The following SLC26A1 variants were observed in gnomAD, a reference collection of about 807,000 sequenced individuals.
SLC26A1 encodes the protein solute carrier family 26 member 1.
Under a neutral mutation model 14.5 loss-of-function variants are expected in SLC26A1, and 18 were observed. That is an observed-to-expected ratio of 1.24 (90% CI 0.86 to 1.84). The LOEUF is 1.84. Ranked by LOEUF, SLC26A1 falls within the 40% of genes most tolerant of loss-of-function variation. The probability of loss-of-function intolerance (pLI) is 0.00; values close to 1 mark genes in which losing one functional copy is unlikely to be tolerated. For synonymous variants in SLC26A1, 505 were observed against 492.0 expected (o/e 1.03, Z -0.35); for missense variants, 1,049 against 1,020.0 (o/e 1.03, Z -0.39).
Position 989,821 on chromosome 4 carries a change from G to T in SLC26A1, c.1118C>A (p.Ala373Asp). ...FARSHGYSVR[A>D]NQELLAVGCC... ...GCCCACAGCCAGCAGCTCCTGGTTG[G>T]CACGCACAGAGTAGCCGTGACTGCG... Residue 373 changes from alanine to aspartate, a missense_variant, in exon 3 of 3, where the codon GCC (alanine) becomes GAC (aspartate). Coordinates refer to ENST00000398516, the MANE Select transcript of SLC26A1 (RefSeq NM_022042.4). The T allele has an allele frequency of 6.3e-7, 1 of 1,580,048 alleles. No homozygotes were observed. The highest frequency in any genetic ancestry group is 1.8e-5 in the Admixed American group (1 of 54,972).
chr4:987,561 G>C, downstream of SLC26A1: 2 of 1,277,832 alleles, frequency 1.6e-6, no homozygotes, highest in Non-Finnish European at 2.1e-6. Context: ...CTAGAGCTGA[G>C]GTACCCGCCT....
intron 2 of SLC26A1, chr4:979,642 G>C: frequency 1.8e-6 from 2 of 1,093,178 alleles, no homozygotes; most frequent in Non-Finnish European, 2.6e-6. Flanking sequence ...AAGCGGAGGC[G>C]GGGTGGGAGC....
At chr4:982,974 C>T (rs982932915), downstream of SLC26A1, among the ~76,000 whole-genome samples, 3 of 152,248 alleles carry the variant, frequency 2.0e-5, no homozygotes, top group East Asian at 3.8e-4. Context: ...GGATGCTTCA[C>T]GGAACCATGC....
chr4:984,367 T>C (rs1001078703), downstream of SLC26A1, among the ~76,000 whole-genome samples: 8 of 152,270 alleles, frequency 5.3e-5, no homozygotes, highest in Admixed American at 1.3e-4. Flanking sequence ...CTACCTTTGC[T>C]TTTATCTCAG....
At chr4:982,582 C>G (rs1047310018) in intron 2 of SLC26A1, among the ~76,000 whole-genome samples, 4 of 152,248 alleles carry the variant, frequency 2.6e-5, no homozygotes, top group Admixed American at 2.6e-4. Flanking sequence ...CAGGCGTGGT[C>G]TCAGCCCTGA....
Position 989,432 on chromosome 4 carries a change from C to T in SLC26A1, c.1507G>A (p.Gly503Ser), listed in dbSNP as rs763786159. ...GCGGTGCGTGGGCGTTGGGTGCGGC[C>T]GGCCAGGCTGAGCAGCGAGAGGATG... is the stretch of plus-strand genomic sequence containing the variant. ...GVILSLLSLA[G>S]RTQRPRTALL... Residue 503 changes from glycine to serine, a missense_variant, in exon 3 of 3, where the codon GGC becomes AGC. Gly to Ser is a moderately conservative substitution (Grantham distance 56). Transcript: ENST00000398516. The T allele has an allele frequency of 4.3e-5, 67 of 1,554,642 alleles. No homozygotes were observed. The Middle Eastern group carries it at 5.0e-4, about 12-fold the overall frequency.
chr4:983,372 CTCTG>C (rs1482314486), downstream of SLC26A1, among the ~76,000 whole-genome samples: 3 of 152,202 alleles, frequency 2.0e-5, no homozygotes, highest in Non-Finnish European at 2.9e-5. Flanking sequence ...AATAACTTTT[CTCTG>C]TCTTTCTGTG....
At chr4:987,051 C>T (rs1277918027), downstream of SLC26A1, 1 of 1,517,306 alleles carries the variant, frequency 6.6e-7, no homozygotes, top group Non-Finnish European at 8.8e-7. Flanking sequence ...GGCAGTGCAG[C>T]CCGAAGCCCC....
chr4:982,753 G>A (rs1577503097), downstream of SLC26A1, among the ~76,000 whole-genome samples: 1 of 152,346 alleles, frequency 6.6e-6, no homozygotes, highest in African/African-American at 2.4e-5. Flanking sequence ...ACACAGCAAG[G>A]CCTTCCTCCT....
At position 991,735 on chromosome 4, in the gene SLC26A1, G is replaced by A. The variant is rs555229227; in HGVS notation, c.-27-5C>T. 1.1e-4 allele frequency: 173 copies of A among 1,526,994 alleles called. 2 individuals carry two copies. In the South Asian group the frequency reaches 2.0e-3, roughly 17 times the overall value. 94.6% of individuals were successfully genotyped at this position (1,526,994 alleles called of 1,614,324 possible). ...GCGTCAGGTCCCGTGGCCGACCTGCGGCCGAGAAGAGGGCATGGTCACAGG... is the reference window on the plus strand; with the variant it reads ...GCGTCAGGTCCCGTGGCCGACCTGCAGCCGAGAAGAGGGCATGGTCACAGG... On this transcript the variant is annotated splice_region_variant and splice_polypyrimidine_tract_variant and intron_variant, in intron 1 of 2. Transcript: ENST00000398516.
chr4:988,773 G>T lies in SLC26A1; in HGVS notation c.*60C>A. On this transcript the variant is annotated 3_prime_UTR_variant, in exon 3 of 3. Coordinates refer to ENST00000398516, the MANE Select transcript of SLC26A1 (RefSeq NM_022042.4). Reference sequence around the variant, plus strand: ...CTGGGAAGGGTCTCAGCAGTGGCTTGCAGACGTCTGCTGTGGGTCCCCAGG... The same window carrying T: ...CTGGGAAGGGTCTCAGCAGTGGCTTTCAGACGTCTGCTGTGGGTCCCCAGG... The T allele has an allele frequency of 6.8e-7, 1 of 1,463,272 alleles. No individual in the cohort carries two copies. The highest frequency in any genetic ancestry group is 2.5e-5 in the Admixed American group (1 of 39,654). 90.6% of individuals were successfully genotyped at this position (1,463,272 alleles called of 1,614,324 possible).
Position 988,021 on chromosome 4 carries a change from G to T in SLC26A1, c.*812C>A, listed in dbSNP as rs1277911677. On this transcript the variant is annotated 3_prime_UTR_variant, in exon 3 of 3. Transcript: ENST00000398516. Reference sequence around the variant, plus strand: ...CACAGATGGGAGGGGAGGGCTGGGGGCTGCTCGGAAGACCCCTTGTTCCCC... The same window carrying T: ...CACAGATGGGAGGGGAGGGCTGGGGTCTGCTCGGAAGACCCCTTGTTCCCC... 4 of 1,503,662 alleles carry T rather than the reference G, an allele frequency of 2.7e-6. No homozygotes were observed. The highest frequency in any genetic ancestry group is 3.6e-6 in the Non-Finnish European group (4 of 1,120,920). 93.1% of individuals were successfully genotyped at this position (1,503,662 alleles called of 1,614,324 possible). A position where few individuals can be genotyped will look rare whatever the true frequency, so the allele number is the denominator to read the frequency against.
chr4:990,002 T>A lies in SLC26A1; in HGVS notation c.937A>T (p.Lys313Ter). ...TLVSHFGQLH[K>*]RFGSSVAGDI... ...CCAGCCACGCTCGAGCCAAAGCGCT[T>A]GTGGAGCTGCCCGAAGTGCGACACG... Residue 313 changes from lysine to a stop codon, truncating the protein, a stop_gained, in exon 3 of 3, where the codon AAG becomes TAG. Transcript: ENST00000398516. LOFTEE classifies it low-confidence loss of function (END_TRUNC). 1 of 1,570,590 alleles carries A rather than the reference T, an allele frequency of 6.4e-7. No homozygotes were observed. The highest frequency in any genetic ancestry group is 8.6e-7 in the Non-Finnish European group (1 of 1,159,824).
downstream of SLC26A1, chr4:987,212 T>A: frequency 6.7e-7 from 1 of 1,493,272 alleles, no homozygotes; most frequent in Non-Finnish European, 8.9e-7. Flanking sequence ...CTGTGGCCCC[T>A]GCGGCGCTTC....
chr4:989,469 C>T lies in SLC26A1; in HGVS notation c.1470G>A (p.Leu490=), dbSNP rs1714048571. The change falls in exon 3 of 3, where the codon CTG becomes CTA. Residue 490 remains leucine, a synonymous_variant. Coordinates refer to ENST00000398516, the MANE Select transcript of SLC26A1 (RefSeq NM_022042.4). ...GCAGCGAGAGGATGACGCCAGCCAG[C>T]AGCCCGGCCTCTGTGCTGACCAGCA... is the stretch of plus-strand genomic sequence containing the variant. The part of the protein sequence containing the change: ...TCMLVSTEAG[L]LAGVILSLLS... 2 of 1,553,954 alleles carry T rather than the reference C, an allele frequency of 1.3e-6. No individual in the cohort carries two copies.
At position 988,967 on chromosome 4, in the gene SLC26A1, T is replaced by G; in HGVS notation, c.1972A>C (p.Ser658Arg). 1.3e-6 allele frequency: 2 copies of G among 1,596,428 alleles called. No homozygotes were observed. The highest frequency in any genetic ancestry group is 1.7e-6 in the Non-Finnish European group (2 of 1,172,170). ...CCSPPVRDILSRGGFLGEGPG... is the reference protein window; with the variant it reads ...CCSPPVRDILRRGGFLGEGPG... ...CCCTCCCCGAGGAAGCCTCCTCTGC[T>G]CAGAATGTCTCTCACAGGCGGGCTG... Residue 658 changes from serine to arginine, a missense_variant, in exon 3 of 3, where the codon AGC becomes CGC. Transcript: ENST00000398516.
chr4:987,582 G>C (rs1466634620), downstream of SLC26A1: 19 of 1,387,310 alleles, frequency 1.4e-5, no homozygotes, highest in East Asian at 4.8e-4. Context: ...TCCTGGCAGG[G>C]CCAGGGCCAG....
At chr4:984,241 T>G (rs903758114), downstream of SLC26A1, among the ~76,000 whole-genome samples, 1 of 152,252 alleles carries the variant, frequency 6.6e-6, no homozygotes, top group Non-Finnish European at 1.5e-5. Context: ...TTACTAAGTT[T>G]CATGAGGTTT....
chr4:985,938 G>A (rs1051255576), downstream of SLC26A1, among the ~76,000 whole-genome samples: 1 of 151,730 alleles, frequency 6.6e-6, no homozygotes, highest in Non-Finnish European at 1.5e-5. Flanking sequence ...TCTTTTTTTA[G>A]AGATGGGGTC....
Sources: allele counts gnomAD v4.1 joint callset (sites outside exome capture counted in the v4.1 genomes callset), GRCh38; gene constraint gnomAD v4.1.1; transcripts MANE v1.5; gene names NCBI Gene and HGNC (gene_info 2026-07-23, HGNC 2026-07-21).